The following LRRC4C variants were observed in gnomAD, a reference collection of about 807,000 sequenced individuals.
The protein encoded by LRRC4C is leucine-rich repeat-containing protein 4C.
Under a neutral mutation model 33.6 loss-of-function variants are expected in LRRC4C, and 5 were observed. That is an observed-to-expected ratio of 0.15 (90% CI 0.08 to 0.31). The LOEUF is 0.31. LRRC4C is among the 10% of genes least tolerant of loss of function. LRRC4C has a pLI of 1.00. For missense variants in LRRC4C, 560 were observed against 796.7 expected (o/e 0.70, Z 3.58); for synonymous variants, 329 against 302.0 (o/e 1.09, Z -0.93).
intron 2 of LRRC4C, among the ~76,000 whole-genome samples, chr11:40,786,155 C>T (rs1393898616): frequency 6.6e-6 from 1 of 152,126 alleles, no homozygotes; most frequent in African/African-American, 2.4e-5. Flanking sequence ...TCTTTCTCTT[C>T]AATAAGTTGA....
intron 2 of LRRC4C, among the ~76,000 whole-genome samples, chr11:40,850,446 C>G (rs1953424696): frequency 1.3e-5 from 2 of 152,162 alleles, no homozygotes; most frequent in African/African-American, 4.8e-5. Context: ...ATCCTGTTTA[C>G]CTGGGTATCA....
intron 1 of LRRC4C, among the ~76,000 whole-genome samples, chr11:41,216,123 C>T (rs951612030): frequency 6.6e-6 from 1 of 152,130 alleles, no homozygotes; most frequent in Non-Finnish European, 1.5e-5. Flanking sequence ...TATGACATTG[C>T]CCTTTTATTG....
At chr11:40,164,402 C>G (rs146153072) in intron 5 of LRRC4C, among the ~76,000 whole-genome samples, 1 of 152,142 alleles carries the variant, frequency 6.6e-6, no homozygotes, top group Non-Finnish European at 1.5e-5. Flanking sequence ...CCACTATGCC[C>G]GGCTAATTTT....
At chr11:41,308,468 T>G (rs535233940) in intron 1 of LRRC4C, among the ~76,000 whole-genome samples, 14 of 152,090 alleles carry the variant, frequency 9.2e-5, no homozygotes, top group Non-Finnish European at 1.9e-4. Flanking sequence ...CAAGGTGTTT[T>G]TGTCATATCT....
chr11:40,675,238 G>A (rs1177060043), intron 2 of LRRC4C, among the ~76,000 whole-genome samples: 1 of 152,074 alleles, frequency 6.6e-6, no homozygotes, highest in African/African-American at 2.4e-5. Context: ...ATCAGAAAGT[G>A]TATCTACTTA....
At chr11:41,458,624 C>T (rs890434214) in intron 1 of LRRC4C, among the ~76,000 whole-genome samples, 12 of 151,752 alleles carry the variant, frequency 7.9e-5, no homozygotes, top group Non-Finnish European at 1.2e-4. Context: ...AGATGTTTGA[C>T]TAAAGTCACC....
chr11:40,430,723 C>T (rs1273018885), intron 3 of LRRC4C, among the ~76,000 whole-genome samples: 1 of 151,838 alleles, frequency 6.6e-6, no homozygotes, highest in African/African-American at 2.4e-5. Context: ...ACAAATCAAT[C>T]TAACTAATAT....
chr11:41,120,635 A>T (rs1342329066), intron 1 of LRRC4C, among the ~76,000 whole-genome samples: 2 of 152,192 alleles, frequency 1.3e-5, no homozygotes, highest in African/African-American at 4.8e-5. Context: ...CTGAAGCTAC[A>T]GCTCTCAATG....
Position 40,998,203 on chromosome 11 carries a change from T to C in LRRC4C, c.-495-64480A>G, listed in dbSNP as rs930454831. On this transcript the variant is annotated intron_variant, in intron 1 of 6. Coordinates refer to ENST00000528697, the MANE Select transcript of LRRC4C (RefSeq NM_001258419.2). ...CAAGGGAATTATAAACAAATATGTATATATTTTTTAAAAATATTAAAATTG... is the reference window on the plus strand; with the variant it reads ...CAAGGGAATTATAAACAAATATGTACATATTTTTTAAAAATATTAAAATTG... 2.0e-5 allele frequency among the ~76,000 whole-genome samples: 3 copies of C among 151,938 alleles called. No homozygotes were observed. The South Asian group carries it at 6.2e-4, about 31-fold the overall frequency.
chr11:40,478,715 A>G (rs1256873213), intron 3 of LRRC4C, among the ~76,000 whole-genome samples: 1 of 152,144 alleles, frequency 6.6e-6, no homozygotes, highest in Non-Finnish European at 1.5e-5. Context: ...AAACCTATTC[A>G]AAATATTAAA....
At chr11:40,427,684 G>C (rs1950767004) in intron 3 of LRRC4C, among the ~76,000 whole-genome samples, 2 of 151,738 alleles carry the variant, frequency 1.3e-5, no homozygotes, top group Non-Finnish European at 2.9e-5. Context: ...AAAAAAATTA[G>C]CCAGATGTGG....
intron 3 of LRRC4C, among the ~76,000 whole-genome samples, chr11:40,515,604 G>T (rs1017474261): frequency 6.6e-6 from 1 of 151,980 alleles, no homozygotes; most frequent in Non-Finnish European, 1.5e-5. Context: ...ATGCTTCTAA[G>T]AGTAGATTTC....
chr11:40,379,003 TCAAA>T (rs1389460411), intron 3 of LRRC4C, among the ~76,000 whole-genome samples: 2 of 152,114 alleles, frequency 1.3e-5, no homozygotes, highest in Non-Finnish European at 2.9e-5. Context: ...TAATTAACCT[TCAAA>T]CAAATACCAA....
chr11:40,488,479 C>CAAA (rs1953983501), intron 3 of LRRC4C, among the ~76,000 whole-genome samples: 1 of 151,868 alleles, frequency 6.6e-6, no homozygotes, highest in Non-Finnish European at 1.5e-5. Flanking sequence ...AGTACATCAA[C>CAAA]CTTTGCTTAG....
intron 1 of LRRC4C, among the ~76,000 whole-genome samples, chr11:41,006,189 A>T (rs1854741419): frequency 6.6e-6 from 1 of 152,200 alleles, no homozygotes; most frequent in South Asian, 2.1e-4. Flanking sequence ...TGAGTGTGTC[A>T]TTCATAATCC....
At chr11:41,137,656 C>G (rs1943324577) in intron 1 of LRRC4C, among the ~76,000 whole-genome samples, 1 of 152,012 alleles carries the variant, frequency 6.6e-6, no homozygotes. Context: ...ATAATCAGAT[C>G]TCTTTAGATA....
intron 3 of LRRC4C, among the ~76,000 whole-genome samples, chr11:40,376,198 AC>A (rs1335306403): frequency 2.0e-5 from 3 of 152,188 alleles, no homozygotes; most frequent in African/African-American, 7.2e-5. Context: ...GATATTCAAA[AC>A]ACCATTATTA....
chr11:41,280,952 A>G (rs1037421536), intron 1 of LRRC4C, among the ~76,000 whole-genome samples: 1 of 152,142 alleles, frequency 6.6e-6, no homozygotes, highest in Non-Finnish European at 1.5e-5. Context: ...CACCAAGATA[A>G]CAGAAAACAA....
chr11:41,166,757 A>G (rs552070165), intron 1 of LRRC4C, among the ~76,000 whole-genome samples: 18 of 152,320 alleles, frequency 1.2e-4, no homozygotes, highest in African/African-American at 4.3e-4. Context: ...AGAAGCAATC[A>G]ATATTTGTTA....
Sources: gnomAD v4.1 joint callset for allele counts (sites outside exome capture counted in the v4.1 genomes callset) on GRCh38, gnomAD v4.1.1 for gene constraint, MANE v1.5 for transcripts, NCBI Gene and HGNC (gene_info 2026-07-23, HGNC 2026-07-21) for gene names.